Variants in FCAR observed in about 807,000 individuals in gnomAD.
FCAR encodes the protein Fc alpha receptor, also known as immunoglobulin alpha Fc receptor.
FCAR carries 21 observed loss-of-function variants against 27.1 expected under a neutral mutation model. The observed-to-expected ratio is 0.77, with a 90% confidence interval of 0.55 to 1.11. FCAR has a LOEUF of 1.11. Ranked by LOEUF, FCAR falls within the 50% of genes most tolerant of loss-of-function variation. FCAR has a pLI of 0.00. For synonymous variants in FCAR, 134 were observed against 135.8 expected, an observed-to-expected ratio of 0.99 and a Z score of 0.09; for missense variants, 404 against 358.4, an observed-to-expected ratio of 1.13 and a Z score of -1.03.
chr19:54,886,572 C>T (rs2066744672), intron 3 of FCAR, among the ~76,000 whole-genome samples: 1 of 152,020 alleles, frequency 6.6e-6, no homozygotes, highest in Admixed American at 6.5e-5. Flanking sequence ...TCCCAAAGTG[C>T]TGGGATTACT....
At chr19:54,879,400 T>A (rs2066284408) in intron 2 of FCAR, among the ~76,000 whole-genome samples, 1 of 152,198 alleles carries the variant, frequency 6.6e-6, no homozygotes, top group Admixed American at 6.5e-5. Flanking sequence ...TCTTTCCATA[T>A]TTAGCGTTCC....
rs759316261 is a variant in FCAR at position 54,885,521 on chromosome 19, G to C, written c.357G>C (p.Val119=). ...ACAGTGACACCCTGGAGCTGGTAGTGACAGGTAAGGAAACATCCAGGGTCC... is the reference window on the plus strand; with the variant it reads ...ACAGTGACACCCTGGAGCTGGTAGTCACAGGTAAGGAAACATCCAGGGTCC... ...FRYSDTLELV[V]TGLYGKPFLS... Residue 119 remains valine, a synonymous_variant, in exon 3 of 5, where the codon GTG becomes GTC. Coordinates refer to ENST00000355524, the MANE Select transcript of FCAR (RefSeq NM_002000.4). 1.6e-5 allele frequency: 26 copies of C among 1,608,054 alleles called. No homozygotes were observed. In the East Asian group the frequency reaches 5.6e-4, roughly 34 times the overall value.
intron 2 of FCAR, among the ~76,000 whole-genome samples, chr19:54,883,186 T>TC (rs1483475972): frequency 6.6e-6 from 1 of 151,882 alleles, no homozygotes; most frequent in Non-Finnish European, 1.5e-5. Flanking sequence ...TTGTAATTTT[T>TC]TTTTTTTTTT....
chr19:54,888,847 G>A (rs998566555), intron 4 of FCAR: 3 of 988,618 alleles, frequency 3.0e-6, no homozygotes, highest in Non-Finnish European at 3.6e-6. Context: ...TTGTTCTGGT[G>A]TTGTAGAGAT....
rs2067053979 is a variant in FCAR, at chr19:54,891,142, T to C, written c.*1279T>C. 6.6e-6 allele frequency: 1 copy of C among 152,228 alleles called. No individual in the cohort carries two copies. The highest frequency in any genetic ancestry group is 2.1e-4 in the South Asian group (1 of 4,834). The allele number at this position is 152,228 out of a possible 1,614,324, so 9.4% of individuals were successfully genotyped here. A position where few individuals can be genotyped will look rare whatever the true frequency, so the allele number is the denominator to read the frequency against. On this transcript the variant is annotated 3_prime_UTR_variant, in exon 5 of 5. Transcript: ENST00000355524. ...GTCTTCCAAATAATTCCCCATTCTTTTTTCTTATAAACTTTCACAGCTTTA... is the reference window on the plus strand; with the variant it reads ...GTCTTCCAAATAATTCCCCATTCTTCTTTCTTATAAACTTTCACAGCTTTA...
At chr19:54,887,556 G>A (rs924577510) in intron 3 of FCAR, among the ~76,000 whole-genome samples, 3 of 151,906 alleles carry the variant, frequency 2.0e-5, no homozygotes, top group African/African-American at 7.3e-5. Context: ...CGGAGGTGGA[G>A]GTTGCAGTGA....
Position 54,874,327 on chromosome 19 carries a change from A to T in FCAR, c.34+4A>T. ...CAGACCACCCTCCTGTGTCTTGGTG[A>T]GTTTCAGAGTAAAAGTGGGTTAGAG... On this transcript the variant is annotated splice_donor_region_variant and intron_variant, in intron 1 of 4. Transcript: ENST00000355524. 1.2e-6 allele frequency: 2 copies of T among 1,614,134 alleles called. No individual in the cohort carries two copies. Among genetic ancestry groups the T allele is most frequent in the Non-Finnish European group, 1.7e-6 (2 of 1,179,992 alleles).
At position 54,891,026 on chromosome 19, in the gene FCAR, T is replaced by G. The variant is rs2067049254; in HGVS notation, c.*1163T>G. On this transcript the variant is annotated 3_prime_UTR_variant, in exon 5 of 5. Coordinates refer to ENST00000355524, the MANE Select transcript of FCAR (RefSeq NM_002000.4). ...AAGGAATACAGGCATGTGTTTCACC[T>G]CATTAATTTATTTTTTCACTTAGTT... 6.6e-6 allele frequency: 1 copy of G among 152,238 alleles called. No individual in the cohort carries two copies. Among genetic ancestry groups the G allele is most frequent in the African/African-American group, 2.4e-5 (1 of 41,476 alleles). The allele number at this position is 152,238 out of a possible 1,614,324, so 9.4% of individuals were successfully genotyped here.
rs1368166119 is a variant in FCAR, at chr19:54,888,308, AGTCCAGCCCTGT to A, written c.649+18_649+29del. ...TTGTGGTCACAGGTAGGTACCGCCC[AGTCCAGCCCTGT>A]GTCTGGGTTGGCTGTCCAGGGCCTT... On this transcript the variant is annotated intron_variant, in intron 4 of 4. Transcript: ENST00000355524. 6.2e-7 allele frequency: 1 copy of A among 1,613,132 alleles called. No individual in the cohort carries two copies. The highest frequency in any genetic ancestry group is 1.1e-5 in the South Asian group (1 of 90,856).
chr19:54,878,072 C>T (rs587741346), intron 2 of FCAR, among the ~76,000 whole-genome samples: 4 of 152,150 alleles, frequency 2.6e-5, no homozygotes, highest in South Asian at 2.1e-4. Flanking sequence ...CCCGCCACCC[C>T]GCCCGGCTAA....
At chr19:54,880,766 TG>T (rs1316215356) in intron 2 of FCAR, 1 of 152,224 alleles carries the variant, frequency 6.6e-6, no homozygotes, top group Non-Finnish European at 1.5e-5. Flanking sequence ...CTTTTCTGGA[TG>T]GTTTCAGAGG....
rs59309328 is a variant in FCAR at position 54,890,115 on chromosome 19, A to G, written c.*252A>G. The G allele has an allele frequency of 0.061, 32,186 of 529,422 alleles. 1,360 individuals carry two copies. The highest frequency in any genetic ancestry group is 0.13 in the Admixed American group (3,694 of 29,438). The allele number at this position is 529,422 out of a possible 1,614,324, so 32.8% of individuals were successfully genotyped here. A position where few individuals can be genotyped will look rare whatever the true frequency, so the allele number is the denominator to read the frequency against. On this transcript the variant is annotated 3_prime_UTR_variant, in exon 5 of 5. Coordinates refer to ENST00000355524, the MANE Select transcript of FCAR (RefSeq NM_002000.4). ...ATTACAGGCACATACCACTGCACCC[A>G]GCTAATTTTTGTATTTTTAGTAGAG... is the stretch of plus-strand genomic sequence containing the variant.
chr19:54,875,185 AT>A, intron 1 of FCAR, 144 bp from the exon 2 acceptor site: 1 of 641,102 alleles, frequency 1.6e-6, no homozygotes, highest in Non-Finnish European at 2.7e-6. Flanking sequence ...AAAAAAAAAA[AT>A]GCCAGCTCTT....
chr19:54,874,236 T>A lies in FCAR; in HGVS notation c.-54T>A. The A allele has an allele frequency of 6.2e-7, 1 of 1,602,878 alleles. No homozygotes were observed. The highest frequency in any genetic ancestry group is 1.7e-4 in the Middle Eastern group (1 of 5,782). On this transcript the variant is annotated 5_prime_UTR_variant, in exon 1 of 5. Transcript: ENST00000355524. ...CTTATTGTCGTAAGAATATCTGTCA[T>A]CCTGCTAATGTGCATTGAAAGGAGA...
chr19:54,884,630 T>C (rs955037795), intron 2 of FCAR, among the ~76,000 whole-genome samples: 3 of 146,870 alleles, frequency 2.0e-5, no homozygotes, highest in African/African-American at 2.5e-5. Flanking sequence ...TCTCGAAAAA[T>C]AATAACAATA....
chr19:54,882,948 A>C (rs2066506216), intron 2 of FCAR, among the ~76,000 whole-genome samples: 1 of 152,130 alleles, frequency 6.6e-6, no homozygotes, highest in Non-Finnish European at 1.5e-5. Context: ...GGTGGCACTT[A>C]AAAGGGTTGG....
rs907366139 is a variant in FCAR, at chr19:54,891,280, G to A, written c.*1417G>A. Reference sequence around the variant, plus strand: ...ATGTATGAAAATATAATTATAAAATGTAAGGGTCCTACTTCCAGTGAAACT... The same window carrying A: ...ATGTATGAAAATATAATTATAAAATATAAGGGTCCTACTTCCAGTGAAACT... On this transcript the variant is annotated 3_prime_UTR_variant, in exon 5 of 5. Transcript: ENST00000355524. The A allele has an allele frequency of 4.6e-5, 7 of 152,080 alleles. No individual in the cohort carries two copies. Among genetic ancestry groups the A allele is most frequent in the Non-Finnish European group, 1.0e-4 (7 of 68,032 alleles). The allele number at this position is 152,080 out of a possible 1,614,324, so 9.4% of individuals were successfully genotyped here.
Position 54,889,774 on chromosome 19 carries a change from G to T in FCAR, c.775G>T (p.Ala259Ser). The T allele has an allele frequency of 6.2e-7, 1 of 1,613,878 alleles. No individual in the cohort carries two copies. Among genetic ancestry groups the T allele is most frequent in the Non-Finnish European group, 8.5e-7 (1 of 1,180,014 alleles). ...WHSHTALNKE[A>S]SADVAEPSWS... Reference sequence around the variant, plus strand: ...CAGCCATACGGCACTGAACAAGGAAGCCTCGGCAGATGTGGCTGAACCGAG... The same window carrying T: ...CAGCCATACGGCACTGAACAAGGAATCCTCGGCAGATGTGGCTGAACCGAG... Residue 259 changes from alanine (A) to serine (S), a missense_variant, in exon 5 of 5, where the codon GCC (alanine) becomes TCC (serine). Coordinates refer to ENST00000355524, the MANE Select transcript of FCAR (RefSeq NM_002000.4).
intron 3 of FCAR, among the ~76,000 whole-genome samples, chr19:54,885,872 G>A (rs949299092): frequency 6.6e-6 from 1 of 152,238 alleles, no homozygotes; most frequent in Non-Finnish European, 1.5e-5. Context: ...AACACTTAGG[G>A]AAGCCGAGGC....
Sources: allele counts gnomAD v4.1 joint callset (sites outside exome capture counted in the v4.1 genomes callset), GRCh38; gene constraint gnomAD v4.1.1; transcripts MANE v1.5; gene names NCBI Gene and HGNC (gene_info 2026-07-23, HGNC 2026-07-21).